The following EBF1 variants were observed in gnomAD, a reference collection of about 807,000 sequenced individuals.
The protein encoded by EBF1 is transcription factor COE1.
Under a neutral mutation model 68.4 loss-of-function variants are expected in EBF1, and 10 were observed. The observed-to-expected ratio is 0.15, with a 90% CI of 0.09 to 0.25. The LOEUF (loss-of-function observed/expected upper bound fraction) is 0.25. EBF1 is among the 10% of genes least tolerant of loss of function. The probability of loss-of-function intolerance (pLI) is 1.00; values close to 1 mark genes in which losing one functional copy is unlikely to be tolerated. For synonymous variants in EBF1, 298 were observed against 299.8 expected (o/e 0.99, Z 0.06); for missense variants, 509 against 794.4 (o/e 0.64, Z 4.32).
chr5:158,715,454 A>G (rs1760452169), intron 11 of EBF1, among the ~76,000 whole-genome samples: 2 of 152,214 alleles, frequency 1.3e-5, no homozygotes, highest in Admixed American at 1.3e-4. Flanking sequence ...CTATAATATA[A>G]GATAAAGTAG....
intron 6 of EBF1, among the ~76,000 whole-genome samples, chr5:158,913,979 A>G (rs994737748): frequency 6.6e-6 from 1 of 152,232 alleles, no homozygotes; most frequent in Non-Finnish European, 1.5e-5. Flanking sequence ...TGCTTTCTTC[A>G]GATCATTAAG....
At chr5:158,763,591 A>G (rs1218794688) in intron 10 of EBF1, among the ~76,000 whole-genome samples, 1 of 152,154 alleles carries the variant, frequency 6.6e-6, no homozygotes, top group Non-Finnish European at 1.5e-5. Context: ...TAAACATATC[A>G]CATATTGGAA....
chr5:158,844,556 G>A (rs1397120706), intron 6 of EBF1, among the ~76,000 whole-genome samples: 1 of 152,158 alleles, frequency 6.6e-6, no homozygotes, highest in African/African-American at 2.4e-5. Flanking sequence ...TTTTGCCTAT[G>A]AGAAAAATTA....
intron 9 of EBF1, among the ~76,000 whole-genome samples, chr5:158,786,468 T>G (rs1777468664): frequency 6.6e-6 from 1 of 151,852 alleles, no homozygotes. Context: ...GTAGATCTTG[T>G]GCCAGTTGGG....
intron 8 of EBF1, among the ~76,000 whole-genome samples, chr5:158,822,779 A>G (rs1785140836): frequency 1.3e-5 from 2 of 152,238 alleles, no homozygotes; most frequent in Non-Finnish European, 2.9e-5. Flanking sequence ...GTCAATTATA[A>G]ACATGTCAAA....
At chr5:158,871,606 C>A (rs1354403573) in intron 6 of EBF1, among the ~76,000 whole-genome samples, 1 of 152,152 alleles carries the variant, frequency 6.6e-6, no homozygotes, top group African/African-American at 2.4e-5. Flanking sequence ...CTTTATAAAA[C>A]CCCCTGGCCA....
At chr5:158,819,160 T>C (rs924358524) in intron 8 of EBF1, among the ~76,000 whole-genome samples, 1 of 152,152 alleles carries the variant, frequency 6.6e-6, no homozygotes, top group Non-Finnish European at 1.5e-5. Flanking sequence ...ATATATCCCC[T>C]TTAAAAAAAT....
At chr5:159,055,033 A>G (rs1774488430) in intron 6 of EBF1, among the ~76,000 whole-genome samples, 1 of 152,226 alleles carries the variant, frequency 6.6e-6, no homozygotes, top group Non-Finnish European at 1.5e-5. Flanking sequence ...TCCTGCCTTA[A>G]GGTAGATTTT....
Position 159,095,680 on chromosome 5 carries a change from G to A in EBF1, c.356-5C>T. 6.2e-7 allele frequency: 1 copy of A among 1,614,028 alleles called. No homozygotes were observed. Among genetic ancestry groups the A allele is most frequent in the South Asian group, 1.1e-5 (1 of 91,080 alleles). ...AATCCTGCTCCGTCCTTATCCCTAGGGTTGGAAATGGGGGAAGGGAGGAGA... is the reference window on the plus strand; with the variant it reads ...AATCCTGCTCCGTCCTTATCCCTAGAGTTGGAAATGGGGGAAGGGAGGAGA... On this transcript the variant is annotated splice_polypyrimidine_tract_variant and splice_region_variant and intron_variant, in intron 3 of 15. Coordinates refer to ENST00000313708, the MANE Select transcript of EBF1 (RefSeq NM_024007.5).
At chr5:158,903,316 CCTTT>C (rs1167289712) in intron 6 of EBF1, among the ~76,000 whole-genome samples, 2 of 152,200 alleles carry the variant, frequency 1.3e-5, no homozygotes, top group African/African-American at 4.8e-5. Flanking sequence ...TCTGCATGCC[CCTTT>C]TTTTCTTTTT....
chr5:158,948,036 T>A (rs561921244), intron 6 of EBF1, among the ~76,000 whole-genome samples: 1 of 152,324 alleles, frequency 6.6e-6, no homozygotes, highest in Admixed American at 6.5e-5. Flanking sequence ...GAATCCCCCA[T>A]TCCTAGAGGG....
In EBF1 at chr5:158,701,190, C is replaced by T. The variant is rs553117343; in HGVS notation, c.1745-2048G>A. ...GTGCAAGTCTACTTTCGCTTTCCAC[C>T]AAAATCTATTCTGCGTGCCTGGCAT... On this transcript the variant is annotated intron_variant, in intron 15 of 15. Transcript: ENST00000313708. Among the ~76,000 whole-genome samples, 126 of 152,170 alleles carry T rather than the reference C, an allele frequency of 8.3e-4. 1 individual carries two copies. The highest frequency in any genetic ancestry group is 2.8e-3 in the African/African-American group (118 of 41,508).
At chr5:158,929,874 T>C (rs186949312) in intron 6 of EBF1, among the ~76,000 whole-genome samples, 38 of 152,364 alleles carry the variant, frequency 2.5e-4, no homozygotes, top group Non-Finnish European at 4.4e-4. Flanking sequence ...TAGCAACCTC[T>C]GCGATTTATC....
chr5:158,711,979 G>A (rs7722464), intron 14 of EBF1, among the ~76,000 whole-genome samples, 175 bp downstream of exon 14: 13,060 of 152,256 alleles, frequency 0.086, 1,581 homozygotes, highest in African/African-American at 0.27. Context: ...ACTGGAGAGC[G>A]GAGATTCCTG....
At chr5:159,053,605 T>TCACACACACACACACACA (rs3062333) in intron 6 of EBF1, among the ~76,000 whole-genome samples, 1 of 146,308 alleles carries the variant, frequency 6.8e-6, no homozygotes, top group Non-Finnish European at 1.5e-5. Context: ...TCTCTCTCTC[T>TCACACACACACACACACA]CACACACACA....
intron 4 of EBF1, among the ~76,000 whole-genome samples, chr5:159,087,877 T>C (rs1486490156): frequency 6.6e-6 from 1 of 152,110 alleles, no homozygotes; most frequent in African/African-American, 2.4e-5. Context: ...TGCTCAGAAA[T>C]AGTTAGGAAC....
chr5:158,819,705 G>A (rs72643431), intron 8 of EBF1, among the ~76,000 whole-genome samples: 37 of 152,300 alleles, frequency 2.4e-4, no homozygotes, highest in African/African-American at 8.9e-4. Context: ...GGAACTGAGA[G>A]AGCAGTTACA....
intron 6 of EBF1, among the ~76,000 whole-genome samples, chr5:158,927,401 C>T (rs4128878): frequency 0.13 from 20,343 of 152,064 alleles, 2,559 homozygotes; most frequent in East Asian, 0.53. Context: ...TCTTGTGTCC[C>T]GGAGCCCCAA....
intron 7 of EBF1, 150 bp downstream of exon 7, chr5:158,839,879 C>A: frequency 1.5e-6 from 1 of 686,440 alleles, no homozygotes; most frequent in Non-Finnish European, 2.6e-6. Context: ...ATCTAAACAA[C>A]TGCTAGATTG....
Sources: allele counts gnomAD v4.1 joint callset (sites outside exome capture counted in the v4.1 genomes callset), GRCh38; gene constraint gnomAD v4.1.1; transcripts MANE v1.5; gene names NCBI Gene and HGNC (gene_info 2026-07-23, HGNC 2026-07-21).